The following NOL4 variants were observed in gnomAD, a reference collection of about 807,000 sequenced individuals.
NOL4 encodes the protein nucleolar protein 4.
NOL4 carries 17 observed loss-of-function variants against 75.9 expected under a neutral mutation model. That is an observed-to-expected ratio of 0.22 (90% CI 0.15 to 0.34). The LOEUF (loss-of-function observed/expected upper bound fraction) is 0.34. NOL4 is among the 10% of genes least tolerant of loss of function. The probability of loss-of-function intolerance (pLI) is 1.00; values close to 1 mark genes in which losing one functional copy is unlikely to be tolerated. For missense variants in NOL4, 614 were observed against 793.5 expected (o/e 0.77, Z 2.72); for synonymous variants, 292 against 289.9 (o/e 1.01, Z -0.07).
chr18:34,046,335 C>A (rs2076363338), intron 5 of NOL4, among the ~76,000 whole-genome samples: 1 of 151,818 alleles, frequency 6.6e-6, no homozygotes, highest in African/African-American at 2.4e-5. Flanking sequence ...CCTCACCAAG[C>A]AATACCTTAG....
At chr18:33,864,359 A>G (rs185849384) in intron 10 of NOL4, among the ~76,000 whole-genome samples, 27 of 152,254 alleles carry the variant, frequency 1.8e-4, no homozygotes, top group East Asian at 1.6e-3. Flanking sequence ...TGTTTGAAAC[A>G]TAAGTTCTAA....
intron 2 of NOL4, among the ~76,000 whole-genome samples, chr18:34,117,893 G>C (rs141020741): frequency 6.6e-6 from 1 of 152,124 alleles, no homozygotes; most frequent in African/African-American, 2.4e-5. Flanking sequence ...CAAATCATGA[G>C]TAGTAACAAT....
rs1600368535 is a variant in NOL4, at chr18:34,042,579, G to T, written c.773-22978C>A. Among the ~76,000 whole-genome samples the T allele has an allele frequency of 2.0e-5, 3 of 152,126 alleles. No individual in the cohort carries two copies. In the South Asian group the frequency reaches 6.2e-4, roughly 32 times the overall value. On this transcript the variant is annotated intron_variant, in intron 5 of 10. Transcript: ENST00000261592. ...CCAATCAAAGAAGGAAGAAAGGCAAGAAAAAGAAATGTGACCAGTAATTGA... is the reference window on the plus strand; with the variant it reads ...CCAATCAAAGAAGGAAGAAAGGCAATAAAAAGAAATGTGACCAGTAATTGA...
At chr18:33,968,332 A>C (rs1043999757) in intron 6 of NOL4, among the ~76,000 whole-genome samples, 1 of 152,158 alleles carries the variant, frequency 6.6e-6, no homozygotes, top group Non-Finnish European at 1.5e-5. Context: ...ACATGCAATT[A>C]TATGTTCATC....
chr18:34,055,460 TGA>T (rs1239667091), intron 5 of NOL4, among the ~76,000 whole-genome samples: 1 of 152,188 alleles, frequency 6.6e-6, no homozygotes, highest in African/African-American at 2.4e-5. Context: ...AGGTTTTTGC[TGA>T]GAAATTATCT....
chr18:34,139,335 A>G (rs1449147456), intron 1 of NOL4, among the ~76,000 whole-genome samples: 1 of 152,166 alleles, frequency 6.6e-6, no homozygotes, highest in East Asian at 1.9e-4. Context: ...TAAGCTATTA[A>G]TTATTGCATC....
At chr18:34,202,012 T>C (rs2035777240) in intron 1 of NOL4, among the ~76,000 whole-genome samples, 1 of 151,858 alleles carries the variant, frequency 6.6e-6, no homozygotes, top group Admixed American at 6.6e-5. Flanking sequence ...TATTTGATTA[T>C]TTTATTTTGG....
At chr18:34,125,046 G>A (rs1306585905) in intron 2 of NOL4, among the ~76,000 whole-genome samples, 1 of 152,124 alleles carries the variant, frequency 6.6e-6, no homozygotes, top group Non-Finnish European at 1.5e-5. Flanking sequence ...AAACAAGTAT[G>A]TTAAATGATC....
chr18:34,180,465 G>T (rs1265313208), intron 1 of NOL4, among the ~76,000 whole-genome samples: 1 of 151,356 alleles, frequency 6.6e-6, no homozygotes, highest in Non-Finnish European at 1.5e-5. Flanking sequence ...ACAAACTGGG[G>T]ACTTAAAGAA....
chr18:34,143,864 CAAA>C (rs754617814), intron 1 of NOL4, among the ~76,000 whole-genome samples: 26 of 65,932 alleles, frequency 3.9e-4, no homozygotes, highest in Admixed American at 1.3e-3. Flanking sequence ...AACTCCATCT[CAAA>C]AAAAAAAAAA....
chr18:34,015,731 C>T (rs928119974), intron 6 of NOL4, among the ~76,000 whole-genome samples: 8 of 152,014 alleles, frequency 5.3e-5, no homozygotes, highest in African/African-American at 1.2e-4. Context: ...ACATGTCCCC[C>T]GAATGCCTAT....
intron 6 of NOL4, among the ~76,000 whole-genome samples, chr18:34,002,153 A>G (rs557144015): frequency 4.0e-4 from 61 of 152,118 alleles, no homozygotes; most frequent in Non-Finnish European, 7.8e-4. Context: ...TTAAAACTAA[A>G]ATCTTATCCT....
intron 9 of NOL4, among the ~76,000 whole-genome samples, chr18:33,914,402 T>C (rs1165773047): frequency 1.3e-5 from 2 of 152,128 alleles, no homozygotes; most frequent in African/African-American, 4.8e-5. Flanking sequence ...AAGTGCAGCC[T>C]TTTAGAGCCT....
At chr18:33,878,451 G>C (rs1296974391) in intron 10 of NOL4, among the ~76,000 whole-genome samples, 2 of 152,080 alleles carry the variant, frequency 1.3e-5, no homozygotes, top group Non-Finnish European at 2.9e-5. Flanking sequence ...ACAGTACCAT[G>C]TGCTTAGAAA....
chr18:34,207,335 AT>A (rs2036194956), intron 1 of NOL4, among the ~76,000 whole-genome samples: 1 of 152,288 alleles, frequency 6.6e-6, no homozygotes, highest in Non-Finnish European at 1.5e-5. Context: ...CAGAAAAAAA[AT>A]ATTATATTTG....
chr18:34,221,906 G>C lies in NOL4; in HGVS notation c.264+1084C>G, dbSNP rs569335901. The C allele has an allele frequency of 6.2e-3, 4,958 of 802,462 alleles. 47 individuals are homozygous for C. Among genetic ancestry groups the C allele is most frequent in the South Asian group, 0.016 (911 of 58,170 alleles). 49.7% of individuals were successfully genotyped at this position (802,462 alleles called of 1,614,324 possible). A position where few individuals can be genotyped will look rare whatever the true frequency, so the allele number is the denominator to read the frequency against. On this transcript the variant is annotated intron_variant, in intron 1 of 10. Coordinates refer to ENST00000261592, the MANE Select transcript of NOL4 (RefSeq NM_003787.5). ...TCCAGGAATACTGCACCGGGAAACAGTTGCCAGTACAGGAGGGGGGAAAGG... is the reference window on the plus strand; with the variant it reads ...TCCAGGAATACTGCACCGGGAAACACTTGCCAGTACAGGAGGGGGGAAAGG...
Position 34,165,896 on chromosome 18 carries a change from T to C in NOL4, c.265-35876A>G, listed in dbSNP as rs2032274102. ...TAGGCTTTTTAAAGTATGTCATACA[T>C]TTCTTTATTTTAATCTATTATTACT... is the stretch of plus-strand genomic sequence containing the variant. On this transcript the variant is annotated intron_variant, in intron 1 of 10. Coordinates refer to ENST00000261592, the MANE Select transcript of NOL4 (RefSeq NM_003787.5). Among the ~76,000 whole-genome samples the C allele has an allele frequency of 5.3e-5, 8 of 152,142 alleles. No individual in the cohort carries two copies. In the South Asian group the frequency reaches 1.4e-3, roughly 28 times the overall value.
intron 5 of NOL4, among the ~76,000 whole-genome samples, chr18:34,059,124 T>TAC (rs2076958329): frequency 3.1e-5 from 1 of 32,162 alleles, no homozygotes; most frequent in South Asian, 6.2e-4. Context: ...TAGATATACA[T>TAC]ATATATATAT....
intron 2 of NOL4, chr18:34,128,974 A>C (rs1451530633): frequency 3.0e-6 from 1 of 333,920 alleles, no homozygotes; most frequent in Non-Finnish European, 4.3e-6. Flanking sequence ...AGCAAAATTC[A>C]ATAAGAATTC....
Sources: gnomAD v4.1 joint callset for allele counts (sites outside exome capture counted in the v4.1 genomes callset) on GRCh38, gnomAD v4.1.1 for gene constraint, MANE v1.5 for transcripts, NCBI Gene and HGNC (gene_info 2026-07-23, HGNC 2026-07-21) for gene names.